Variants in ZDHHC14 observed in about 807,000 individuals in gnomAD.
The protein encoded by ZDHHC14 is palmitoyltransferase ZDHHC14.
A neutral mutation model predicts 47.7 loss-of-function variants in ZDHHC14; 16 were observed. That is an observed-to-expected ratio of 0.34 (90% CI 0.23 to 0.51). The LOEUF (loss-of-function observed/expected upper bound fraction) is 0.51. Among genes scored for constraint, ZDHHC14 ranks in the 20% least tolerant of loss-of-function variants. ZDHHC14 has a pLI of 0.97. For synonymous variants in ZDHHC14, 293 were observed against 278.9 expected, an observed-to-expected ratio of 1.05 and a Z score of -0.50; for missense variants, 515 against 662.5, an observed-to-expected ratio of 0.78 and a Z score of 2.44.
At position 157,676,968 on chromosome 6, in the gene ZDHHC14, T is replaced by C. The variant is rs768953866; in HGVS notation, c.*3846T>C. 3 of 152,248 alleles carry C rather than the reference T, an allele frequency of 2.0e-5. No individual in the cohort carries two copies. The highest frequency in any genetic ancestry group is 4.4e-5 in the Non-Finnish European group (3 of 68,046). 9.4% of individuals were successfully genotyped at this position (152,248 alleles called of 1,614,324 possible). A position where few individuals can be genotyped will look rare whatever the true frequency, so the allele number is the denominator to read the frequency against. On this transcript the variant is annotated 3_prime_UTR_variant, in exon 9 of 9. Coordinates refer to ENST00000359775, the MANE Select transcript of ZDHHC14 (RefSeq NM_024630.3). ...CATCCATCCACAAGAATACATTGAG[T>C]TCATTTAGTTCTTGACCAGGTAAGA...
intron 1 of ZDHHC14, among the ~76,000 whole-genome samples, chr6:157,416,959 C>T (rs1777987257): frequency 7.2e-6 from 1 of 139,068 alleles, no homozygotes; most frequent in African/African-American, 2.7e-5. Flanking sequence ...GTGCCCGCCA[C>T]CATGCCTGGC....
intron 2 of ZDHHC14, among the ~76,000 whole-genome samples, chr6:157,543,474 G>T (rs908395069): frequency 1.3e-5 from 2 of 152,144 alleles, no homozygotes; most frequent in African/African-American, 4.8e-5. Context: ...TGATGACTTG[G>T]TGTGAACATA....
At chr6:157,419,710 C>T (rs886455081) in intron 1 of ZDHHC14, among the ~76,000 whole-genome samples, 3 of 152,150 alleles carry the variant, frequency 2.0e-5, no homozygotes, top group Non-Finnish European at 2.9e-5. Flanking sequence ...CTATACCTAA[C>T]GAAGGACATC....
At chr6:157,594,407 G>T (rs1376650754) in intron 3 of ZDHHC14, among the ~76,000 whole-genome samples, 2 of 152,176 alleles carry the variant, frequency 1.3e-5, no homozygotes, top group Admixed American at 1.3e-4. Context: ...ATCTGGCACT[G>T]CATGGCCTGG....
intron 3 of ZDHHC14, among the ~76,000 whole-genome samples, chr6:157,623,202 A>T (rs570029623): frequency 6.6e-6 from 1 of 152,180 alleles, no homozygotes; most frequent in South Asian, 2.1e-4. Flanking sequence ...CTCATCCTTA[A>T]TTGTAGTTCC....
chr6:157,574,547 A>G (rs988245637), intron 2 of ZDHHC14, among the ~76,000 whole-genome samples: 15 of 151,996 alleles, frequency 9.9e-5, no homozygotes, highest in Non-Finnish European at 1.6e-4. Context: ...TACCACACCC[A>G]TGACCTCCTC....
chr6:157,409,806 CTTTAT>C (rs750811011), intron 1 of ZDHHC14, among the ~76,000 whole-genome samples: 4 of 151,328 alleles, frequency 2.6e-5, no homozygotes, highest in South Asian at 2.1e-4. Context: ...TCACTGGCAG[CTTTAT>C]TTTATTTTAT....
chr6:157,630,749 G>T (rs62636453), intron 4 of ZDHHC14: 67,041 of 143,208 alleles, frequency 0.47, 15,623 homozygotes, highest in East Asian at 0.86. Flanking sequence ...ACACATACTC[G>T]TACACGCCCA....
intron 4 of ZDHHC14, chr6:157,631,377 C>G (rs1032737912): frequency 3.3e-5 from 5 of 152,256 alleles, no homozygotes; most frequent in Non-Finnish European, 5.9e-5. Context: ...ATTGGAATAT[C>G]CTGGGCAAAA....
intron 3 of ZDHHC14, among the ~76,000 whole-genome samples, chr6:157,593,597 G>A (rs140818827): frequency 1.0e-3 from 152 of 152,332 alleles, no homozygotes; most frequent in African/African-American, 3.5e-3. Context: ...TCCTCCAGGG[G>A]CTGGAGTTAG....
At chr6:157,637,523 T>A (rs1288774679) in intron 5 of ZDHHC14, among the ~76,000 whole-genome samples, 1 of 152,180 alleles carries the variant, frequency 6.6e-6, no homozygotes, top group Admixed American at 6.5e-5. Context: ...CGTCCTTTGA[T>A]TGATGGCAGA....
chr6:157,609,849 A>G (rs974902234), intron 3 of ZDHHC14, among the ~76,000 whole-genome samples: 1 of 152,208 alleles, frequency 6.6e-6, no homozygotes, highest in Non-Finnish European at 1.5e-5. Context: ...GTCAAGGGGA[A>G]CAAGCAGTGG....
chr6:157,540,910 G>GTGTGTGTGTGTATATATATATATATATA (rs1284429244), intron 1 of ZDHHC14, among the ~76,000 whole-genome samples: 3 of 122,974 alleles, frequency 2.4e-5, no homozygotes, highest in African/African-American at 1.3e-4. Flanking sequence ...GTGTGTGTGT[G>GTGTGTGTGTGTATATATATATATATATA]TATATATATA....
chr6:157,606,874 T>C (rs923561600), intron 3 of ZDHHC14, among the ~76,000 whole-genome samples: 14 of 152,248 alleles, frequency 9.2e-5, no homozygotes, highest in Non-Finnish European at 1.5e-5. Flanking sequence ...ATTGAATATT[T>C]CCTTTAATGA....
intron 2 of ZDHHC14, among the ~76,000 whole-genome samples, chr6:157,563,823 T>A (rs576151738): frequency 9.2e-5 from 14 of 152,342 alleles, no homozygotes; most frequent in Admixed American, 2.6e-4. Flanking sequence ...GCATTGCAGT[T>A]GCATTGCAGT....
chr6:157,673,085 A>G lies in ZDHHC14; in HGVS notation c.1430A>G (p.Asp477Gly). Reference protein sequence around the residue: ...GLASQDSLHEDSVRGLVKLSS... With the variant: ...GLASQDSLHEGSVRGLVKLSS... The stretch of plus-strand genomic sequence containing the variant: ...GCCAGCCAGGACTCCCTGCATGAGG[A>G]CTCTGTGCGCGGCCTGGTGAAGCTC... Residue 477 changes from aspartate (D) to glycine (G), a missense_variant, in exon 9 of 9, where the codon GAC (aspartate) becomes GGC (glycine). Around this residue, in one of 4 missense-constraint regions of ZDHHC14, gnomAD observed 221 missense variants for 233.6 expected, o/e 0.95. Coordinates refer to ENST00000359775, the MANE Select transcript of ZDHHC14 (RefSeq NM_024630.3). This position sits in a 1 kb window ranked among gnomAD's most constrained non-coding sequence, Gnocchi z 5.4. The G allele has an allele frequency of 1.3e-6, 2 of 1,573,820 alleles. No homozygotes were observed. Among genetic ancestry groups the G allele is most frequent in the Non-Finnish European group, 1.7e-6 (2 of 1,168,162 alleles).
chr6:157,639,703 G>A (rs907865386), intron 5 of ZDHHC14, among the ~76,000 whole-genome samples: 3 of 152,166 alleles, frequency 2.0e-5, no homozygotes, highest in African/African-American at 7.2e-5. Context: ...CAGCTCAGTA[G>A]GGAGAAGCAG....
intron 4 of ZDHHC14, chr6:157,631,305 C>T (rs1351495558): frequency 6.6e-6 from 1 of 152,232 alleles, no homozygotes; most frequent in Non-Finnish European, 1.5e-5. Flanking sequence ...ATAGTCTATA[C>T]TTAAATACTG....
chr6:157,665,760 CCT>C (rs894307150), intron 8 of ZDHHC14, among the ~76,000 whole-genome samples: 1 of 152,064 alleles, frequency 6.6e-6, no homozygotes, highest in African/African-American at 2.4e-5. Context: ...GTTAGTGTAT[CCT>C]CTCTCACAAG....
Sources: gnomAD v4.1 joint callset for allele counts (sites outside exome capture counted in the v4.1 genomes callset) on GRCh38, gnomAD v4.1.1 for gene constraint, gnomAD v4.1.1 regional missense constraint, Gnocchi (gnomAD v3.1) non-coding constraint, MANE v1.5 for transcripts, NCBI Gene and HGNC (gene_info 2026-07-23, HGNC 2026-07-21) for gene names.